The following TRAK1 variants were observed in gnomAD, a reference collection of about 807,000 sequenced individuals.
TRAK1 encodes the protein trafficking kinesin protein 1.
Under a neutral mutation model 92.1 loss-of-function variants are expected in TRAK1, and 33 were observed. The observed-to-expected ratio is 0.36, with a 90% CI of 0.27 to 0.48. The LOEUF is 0.48. TRAK1 is among the 20% of genes least tolerant of loss of function. TRAK1 has a pLI of 0.99. For missense variants in TRAK1, 1,123 were observed against 1,257.9 expected (o/e 0.89, Z 1.62); for synonymous variants, 521 against 517.3 (o/e 1.01, Z -0.10).
chr3:42,143,254 G>C (rs1217405178), intron 2 of TRAK1, among the ~76,000 whole-genome samples: 1 of 142,558 alleles, frequency 7.0e-6, no homozygotes, highest in Non-Finnish European at 1.5e-5. Flanking sequence ...TTCTCAATTT[G>C]TTTTCTCTGT....
At chr3:42,124,980 ATAAAT>A (rs1274712879) in intron 1 of TRAK1, among the ~76,000 whole-genome samples, 2 of 152,218 alleles carry the variant, frequency 1.3e-5, no homozygotes, top group African/African-American at 4.8e-5. Flanking sequence ...AGATGAATGA[ATAAAT>A]TAAATGAAGG....
intron 1 of TRAK1, among the ~76,000 whole-genome samples, chr3:42,094,749 G>A (rs777837833): frequency 2.6e-5 from 4 of 152,230 alleles, no homozygotes; most frequent in Non-Finnish European, 5.9e-5. Context: ...GAGAAACAGA[G>A]CCAATAGGAG....
At chr3:42,205,607 G>A (rs144318171) in intron 13 of TRAK1, among the ~76,000 whole-genome samples, 3 of 152,284 alleles carry the variant, frequency 2.0e-5, no homozygotes, top group African/African-American at 7.2e-5. Flanking sequence ...CCTGTAATTT[G>A]CACTTCCTTT....
chr3:42,149,234 C>T lies in TRAK1; in HGVS notation c.286+23620C>T, dbSNP rs1029006796. ...TGGATAGGACGATCCTGGCTACTCC[C>T]ATTCAGGGCTGCTGTCCAGTGCTGC... On this transcript the variant is annotated intron_variant, in intron 2 of 15. Transcript: ENST00000327628. The T allele has an allele frequency of 8.1e-6, 10 of 1,241,660 alleles. No homozygotes were observed. The Admixed American group carries it at 3.9e-4, about 49-fold the overall frequency. The allele number at this position is 1,241,660 out of a possible 1,614,324, so 76.9% of individuals were successfully genotyped here. A position where few individuals can be genotyped will look rare whatever the true frequency, so the allele number is the denominator to read the frequency against.
intron 1 of TRAK1, among the ~76,000 whole-genome samples, chr3:42,041,897 C>T (rs1030327119): frequency 6.6e-6 from 1 of 151,880 alleles, no homozygotes; most frequent in Non-Finnish European, 1.5e-5. Context: ...CGGGTTCAAG[C>T]GATTCTCCTG....
rs1309511829 is a variant in TRAK1 at position 42,209,969 on chromosome 3, G to C, written c.1947G>C (p.Gln649His). 1 of 1,614,206 alleles carries C rather than the reference G, an allele frequency of 6.2e-7. No homozygotes were observed. Among genetic ancestry groups the C allele is most frequent in the Non-Finnish European group, 8.5e-7 (1 of 1,180,032 alleles). ...LPRLATSTPV[Q>H]HPETSAHHPG... ...GCCTAGCTACCTCCACTCCAGTTCA[G>C]CACCCAGAGACCTCAGGTGAGAGGT... The change falls in exon 14 of 16, where the codon CAG (glutamine) becomes CAC (histidine). Residue 649 changes from glutamine (Q) to histidine (H), a missense_variant. Around this residue, in one of 3 missense-constraint regions of TRAK1, gnomAD observed 401 missense variants for 438.9 expected, o/e 0.91. Coordinates refer to ENST00000327628, the MANE Select transcript of TRAK1 (RefSeq NM_001042646.3).
At chr3:42,210,366 C>A in intron 14 of TRAK1, 1 of 1,317,206 alleles carries the variant, frequency 7.6e-7, no homozygotes, top group Non-Finnish European at 9.7e-7. Context: ...GTGCATGGCC[C>A]ATCAGGGATC....
intron 1 of TRAK1, among the ~76,000 whole-genome samples, chr3:42,065,094 A>G (rs913830644): frequency 1.3e-5 from 2 of 151,884 alleles, no homozygotes; most frequent in East Asian, 1.9e-4. Flanking sequence ...ACAAACAAAC[A>G]AACAAAAATT....
chr3:42,050,264 C>G (rs1702928434), intron 1 of TRAK1, among the ~76,000 whole-genome samples: 1 of 152,168 alleles, frequency 6.6e-6, no homozygotes, highest in South Asian at 2.1e-4. Flanking sequence ...TCATTTGTGC[C>G]TGGTGTTCCA....
At chr3:42,042,697 T>G (rs142201133) in intron 1 of TRAK1, among the ~76,000 whole-genome samples, 108 of 152,190 alleles carry the variant, frequency 7.1e-4, no homozygotes, top group Non-Finnish European at 7.5e-4. Flanking sequence ...TTCAATGACA[T>G]AGAGACTTCT....
Position 42,122,010 on chromosome 3 carries a change from G to T in TRAK1, c.92-3410G>T, listed in dbSNP as rs540585830. 2.0e-5 allele frequency among the ~76,000 whole-genome samples: 3 copies of T among 152,024 alleles called. No homozygotes were observed. In the East Asian group the frequency reaches 5.8e-4, roughly 30 times the overall value. ...TTTTTATACTTTTAGTGGAGACAGG[G>T]TTTCACCGTGTTGGCCAGTCAGGTC... On this transcript the variant is annotated intron_variant, in intron 1 of 15. Coordinates refer to ENST00000327628, the MANE Select transcript of TRAK1 (RefSeq NM_001042646.3).
intron 2 of TRAK1, among the ~76,000 whole-genome samples, chr3:42,173,507 TAG>T (rs1383102031): frequency 3.9e-5 from 6 of 152,222 alleles, no homozygotes; most frequent in Non-Finnish European, 5.9e-5. Context: ...TTGGCTTGGA[TAG>T]AGTCTCCTGA....
chr3:42,046,385 T>G (rs903858547), intron 1 of TRAK1, among the ~76,000 whole-genome samples: 1 of 151,046 alleles, frequency 6.6e-6, no homozygotes, highest in Admixed American at 6.6e-5. Context: ...GTTCAGGAAC[T>G]CCTAAGAGAC....
At chr3:42,124,584 A>C (rs1175049794) in intron 1 of TRAK1, among the ~76,000 whole-genome samples, 1 of 152,218 alleles carries the variant, frequency 6.6e-6, no homozygotes, top group Non-Finnish European at 1.5e-5. Flanking sequence ...GCACCCCCTG[A>C]GCACAGCCTG....
At chr3:42,095,160 T>C (rs1051894155) in intron 1 of TRAK1, among the ~76,000 whole-genome samples, 40 of 152,218 alleles carry the variant, frequency 2.6e-4, no homozygotes, top group Admixed American at 2.6e-4. Context: ...CAGATCCTAA[T>C]GGTGCTGCCA....
intron 6 of TRAK1, among the ~76,000 whole-genome samples, chr3:42,190,538 G>A (rs1178142272): frequency 6.6e-6 from 1 of 152,120 alleles, no homozygotes; most frequent in Non-Finnish European, 1.5e-5. Context: ...TCTGAGTTCA[G>A]TGCTACCTCT....
chr3:42,170,223 C>T (rs945642874), intron 2 of TRAK1, among the ~76,000 whole-genome samples: 4 of 152,316 alleles, frequency 2.6e-5, no homozygotes, highest in South Asian at 4.1e-4. Context: ...TCAAAAGCTA[C>T]AAGCTTTTAA....
At chr3:42,142,631 A>G (rs985658409) in intron 2 of TRAK1, among the ~76,000 whole-genome samples, 1 of 152,204 alleles carries the variant, frequency 6.6e-6, no homozygotes, top group African/African-American at 2.4e-5. Context: ...ACTGTTTTAT[A>G]AAAGGTATTA....
chr3:42,223,043 C>T lies in TRAK1; in HGVS notation c.2168C>T (p.Ser723Phe). ...CCACGGAGACTGAGCCTGGCTGAGT[C>T]CTTCACTAACACCCGTGAGTCCACG... ...CTPRRLSLAE[S>F]FTNTRESTTT... Residue 723 changes from serine (S) to phenylalanine (F), a missense_variant, in exon 16 of 16, where the codon TCC (serine) becomes TTC (phenylalanine). Physicochemically the swap from Ser to Phe is radical, Grantham distance 155 (BLOSUM62 -2). Transcript: ENST00000327628. The surrounding 1 kb of genome is among the most constrained non-coding windows in gnomAD (Gnocchi z 6.1). 1 of 1,614,118 alleles carries T rather than the reference C, an allele frequency of 6.2e-7. No homozygotes were observed. The highest frequency in any genetic ancestry group is 8.5e-7 in the Non-Finnish European group (1 of 1,180,024).
Sources: allele counts gnomAD v4.1 joint callset (sites outside exome capture counted in the v4.1 genomes callset), GRCh38; gene constraint gnomAD v4.1.1; regional missense constraint gnomAD v4.1.1; non-coding constraint Gnocchi (gnomAD v3.1); transcripts MANE v1.5; gene names NCBI Gene and HGNC (gene_info 2026-07-23, HGNC 2026-07-21).